EYS: variants seen among roughly 807,000 people sequenced by gnomAD.
EYS encodes the protein EGF-like photoreceptor maintenance factor, also known as protein eyes shut homolog.
A neutral mutation model predicts 282.1 loss-of-function variants in EYS; 250 were observed. The observed-to-expected ratio is 0.89, with a 90% CI of 0.80 to 0.98. EYS has a LOEUF of 0.98. Among genes scored for constraint, EYS ranks in the 50% least tolerant of loss-of-function variants. The pLI is 0.00. For missense variants in EYS, 4,016 were observed against 3,709.0 expected (o/e 1.08, Z -2.15); for synonymous variants, 1,355 against 1,282.9 (o/e 1.06, Z -1.20).
chr6:65,360,218 C>G (rs556721776), intron 8 of EYS, among the ~76,000 whole-genome samples: 1 of 151,948 alleles, frequency 6.6e-6, no homozygotes, highest in Admixed American at 6.6e-5. Flanking sequence ...CAGATTATTT[C>G]TAAAATATCT....
At chr6:63,898,399 G>C (rs1466268035) in intron 35 of EYS, among the ~76,000 whole-genome samples, 2 of 152,084 alleles carry the variant, frequency 1.3e-5, no homozygotes, top group African/African-American at 4.8e-5. Flanking sequence ...GCTGAGGCAG[G>C]AGAATCTTTT....
intron 7 of EYS, among the ~76,000 whole-genome samples, chr6:65,390,663 C>T (rs940057283): frequency 6.6e-6 from 1 of 151,810 alleles, no homozygotes; most frequent in African/African-American, 2.4e-5. Context: ...GCAGGAGGAT[C>T]GCTTGACTCC....
At chr6:64,378,279 C>G (rs1004711470) in intron 29 of EYS, among the ~76,000 whole-genome samples, 1 of 152,000 alleles carries the variant, frequency 6.6e-6, no homozygotes, top group Non-Finnish European at 1.5e-5. Flanking sequence ...TACCAGCAGG[C>G]TGAATATTCA....
At chr6:64,485,747 A>G (rs1243642997) in intron 26 of EYS, among the ~76,000 whole-genome samples, 1 of 151,548 alleles carries the variant, frequency 6.6e-6, no homozygotes, top group African/African-American at 2.4e-5. Flanking sequence ...CTATTAGTAA[A>G]TTCCTCCAAA....
chr6:65,200,079 T>C (rs1469062161), intron 12 of EYS, among the ~76,000 whole-genome samples: 1 of 152,146 alleles, frequency 6.6e-6, no homozygotes, highest in African/African-American at 2.4e-5. Context: ...CAGTGAGATT[T>C]AAAAAGACAG....
At chr6:64,983,056 CATT>C (rs1562286367) in intron 14 of EYS, among the ~76,000 whole-genome samples, 2 of 151,064 alleles carry the variant, frequency 1.3e-5, no homozygotes, top group Admixed American at 6.6e-5. Flanking sequence ...TATTTTATAA[CATT>C]ATGAATTTCA....
At chr6:65,265,941 G>A (rs1310333376) in intron 12 of EYS, among the ~76,000 whole-genome samples, 3 of 151,728 alleles carry the variant, frequency 2.0e-5, no homozygotes, top group Non-Finnish European at 4.4e-5. Context: ...ATATTTTGTA[G>A]TTTCTAATTT....
At chr6:65,593,839 G>A (rs1239163803) in intron 2 of EYS, among the ~76,000 whole-genome samples, 1 of 151,588 alleles carries the variant, frequency 6.6e-6, no homozygotes, top group African/African-American at 2.4e-5. Flanking sequence ...ATAATATTTT[G>A]CATTAAAAAT....
chr6:64,704,364 T>G (rs62418860), intron 22 of EYS, among the ~76,000 whole-genome samples: 16,954 of 146,254 alleles, frequency 0.12, 1,310 homozygotes, highest in East Asian at 0.29. Context: ...ACATTTATCT[T>G]TCTTATACAG....
At position 64,029,669 on chromosome 6, in the gene EYS, T is replaced by A. The variant is rs112281969; in HGVS notation, c.6726-30486A>T. On this transcript the variant is annotated intron_variant, in intron 33 of 42. Coordinates refer to ENST00000503581, the MANE Select transcript of EYS (RefSeq NM_001142800.2). ...CTAATCTTGACTTTAACCTATATAC[T>A]GATGGAAGTTCATTTGTGGAGAATG... Among the ~76,000 whole-genome samples the A allele has an allele frequency of 5.8e-4, 89 of 152,328 alleles. 1 individual carries two copies. The highest frequency in any genetic ancestry group is 2.0e-3 in the African/African-American group (83 of 41,576).
chr6:64,542,786 C>CTGATAG (rs1764730465), intron 26 of EYS, among the ~76,000 whole-genome samples: 1 of 151,968 alleles, frequency 6.6e-6, no homozygotes, highest in African/African-American at 2.4e-5. Context: ...AAGTTAGCAT[C>CTGATAG]TATATTTTTA....
intron 12 of EYS, among the ~76,000 whole-genome samples, chr6:65,092,888 A>G (rs1208684939): frequency 6.6e-6 from 1 of 152,154 alleles, no homozygotes; most frequent in East Asian, 1.9e-4. Flanking sequence ...GGAGAATAAA[A>G]AGAGAAAAAG....
At chr6:65,279,131 A>G (rs533012434) in intron 12 of EYS, among the ~76,000 whole-genome samples, 3 of 151,990 alleles carry the variant, frequency 2.0e-5, no homozygotes, top group African/African-American at 7.2e-5. Flanking sequence ...GAGGTTGACA[A>G]TGAGCCAAGA....
At chr6:64,180,865 T>C (rs182527891) in intron 31 of EYS, among the ~76,000 whole-genome samples, 2 of 152,248 alleles carry the variant, frequency 1.3e-5, no homozygotes, top group Admixed American at 1.3e-4. Flanking sequence ...ATTGGCATAT[T>C]GAGTGATGCT....
intron 29 of EYS, among the ~76,000 whole-genome samples, chr6:64,345,005 C>T (rs1662623699): frequency 6.6e-6 from 1 of 151,802 alleles, no homozygotes; most frequent in Non-Finnish European, 1.5e-5. Flanking sequence ...ATGTGAAGGA[C>T]CTCTTCAAGG....
intron 35 of EYS, among the ~76,000 whole-genome samples, chr6:63,911,774 G>A (rs1043791042): frequency 1.3e-5 from 2 of 152,108 alleles, no homozygotes; most frequent in African/African-American, 4.8e-5. Context: ...ATACCATGAG[G>A]TTTTATAACT....
intron 31 of EYS, among the ~76,000 whole-genome samples, chr6:64,221,074 G>C (rs186132545): frequency 1.9e-3 from 289 of 152,222 alleles, no homozygotes; most frequent in Middle Eastern, 3.4e-3. Flanking sequence ...TCACAGAATT[G>C]GTGTGTGGAA....
At chr6:64,404,494 C>G (rs781772850) in intron 28 of EYS, among the ~76,000 whole-genome samples, 1 of 152,026 alleles carries the variant, frequency 6.6e-6, no homozygotes, top group Admixed American at 6.6e-5. Flanking sequence ...CAAATCCCAG[C>G]TTTACCATTT....
intron 26 of EYS, among the ~76,000 whole-genome samples, chr6:64,532,429 G>A (rs1437694799): frequency 6.6e-6 from 1 of 152,160 alleles, no homozygotes; most frequent in African/African-American, 2.4e-5. Flanking sequence ...AATATTCTAG[G>A]CCGGGCGCGG....
Sources: allele counts gnomAD v4.1 joint callset (sites outside exome capture counted in the v4.1 genomes callset), GRCh38; gene constraint gnomAD v4.1.1; transcripts MANE v1.5; gene names NCBI Gene and HGNC (gene_info 2026-07-23, HGNC 2026-07-21).